The following AMMECR1 variants were observed in gnomAD, a reference collection of about 807,000 sequenced individuals.
AMMECR1 encodes nuclear protein AMMECR1.
AMMECR1 carries 3 observed loss-of-function variants against 22.5 expected under a neutral mutation model. The observed-to-expected ratio is 0.13, with a 90% CI of 0.06 to 0.35. The LOEUF is 0.35. AMMECR1 is among the 10% of genes least tolerant of loss of function. The pLI, the probability that AMMECR1 is intolerant of heterozygous loss-of-function variation, is 1.00. For synonymous variants in AMMECR1, 130 were observed against 116.7 expected (o/e 1.11, Z -0.74); for missense variants, 235 against 278.7 (o/e 0.84, Z 1.12).
chrX:110,229,880 C>T lies in AMMECR1; in HGVS notation c.585-13248G>A, dbSNP rs756745421. ...CCCGTGCCTGGCTCGGCAGCTCCCA[C>T]GCCCACGGAGCCTTGCTTACTGCTA... On this transcript the variant is annotated intron_variant, in intron 2 of 5. Transcript: ENST00000262844. Among the ~76,000 whole-genome samples the T allele has an allele frequency of 3.6e-3, 411 of 112,729 alleles. 1 individual carries two copies. The highest frequency in any genetic ancestry group is 0.012 in the African/African-American group (369 of 31,079).
chrX:110,353,435 C>T (rs2068218491), intron 2 of AMMECR1, among the ~76,000 whole-genome samples: 1 of 111,464 alleles, frequency 9.0e-6, no homozygotes, highest in Non-Finnish European at 1.9e-5. Flanking sequence ...TATTATGATG[C>T]AGGCATTTAT....
Position 110,422,447 on chromosome X carries a change from C to T in AMMECR1, c.-148+4211G>A, listed in dbSNP as rs151033294. Among the ~76,000 whole-genome samples, 791 of 112,575 alleles carry T rather than the reference C, an allele frequency of 7.0e-3. 8 individuals carry two copies. Among genetic ancestry groups the T allele is most frequent in the African/African-American group, 0.025 (762 of 30,967 alleles). On this transcript the variant is annotated intron_variant, in intron 2 of 7. Coordinates refer to the AMMECR1 transcript ENST00000372057. ...TTGCATGTCTGGGCCAGATACGAGA[C>T]CAGGAGGCAAAGCCATATTTACCTG...
intron 2 of AMMECR1, among the ~76,000 whole-genome samples, chrX:110,380,353 C>CA (rs59978261): frequency 8.2e-5 from 9 of 109,897 alleles, no homozygotes; most frequent in Non-Finnish European, 1.5e-4. Context: ...AATAGCCATA[C>CA]AAAAAAAATT....
rs756530452 is a variant in AMMECR1, at chrX:110,384,649, A to G, written c.-148+42009T>C. 4.8e-4 allele frequency among the ~76,000 whole-genome samples: 53 copies of G among 111,357 alleles called. No individual in the cohort carries two copies. The Admixed American group carries it at 4.8e-3, about 10-fold the overall frequency. ...AAGAATCCAGAGGAAAATGTGAGTC[A>G]TCTCCATTCTGTATCATGGCTCACT... On this transcript the variant is annotated intron_variant, in intron 2 of 7. Coordinates refer to the AMMECR1 transcript ENST00000372057.
chrX:110,410,060 A>G (rs1219811958), intron 2 of AMMECR1, among the ~76,000 whole-genome samples: 2 of 111,902 alleles, frequency 1.8e-5, no homozygotes, highest in Non-Finnish European at 3.8e-5. Flanking sequence ...GGTGATTTTG[A>G]TGAGGAACCC....
intron 2 of AMMECR1, among the ~76,000 whole-genome samples, chrX:110,327,623 C>T (rs1012422707): frequency 9.0e-6 from 1 of 111,316 alleles, no homozygotes; most frequent in Admixed American, 9.5e-5. Flanking sequence ...TGTTGAAATA[C>T]TTGACTCTGA....
chrX:110,438,050 G>T (rs906415332), intron 1 of AMMECR1, among the ~76,000 whole-genome samples: 5 of 111,662 alleles, frequency 4.5e-5, no homozygotes, highest in African/African-American at 1.6e-4. Context: ...AGCAAGAATA[G>T]AATCTTCCCT....
intron 2 of AMMECR1, among the ~76,000 whole-genome samples, chrX:110,373,822 T>C (rs1237691832): frequency 9.0e-6 from 1 of 110,522 alleles, no homozygotes; most frequent in South Asian, 3.8e-4. Context: ...AAATGAAGAA[T>C]ATAGAAAATA....
intron 1 of AMMECR1, among the ~76,000 whole-genome samples, chrX:110,267,918 A>G (rs1289341058): frequency 8.9e-6 from 1 of 112,252 alleles, no homozygotes; most frequent in Non-Finnish European, 1.9e-5. Flanking sequence ...ATAGTTTCTT[A>G]TAATGCCATG....
At chrX:110,429,026 G>C (rs1422778925) in intron 1 of AMMECR1, among the ~76,000 whole-genome samples, 1 of 111,637 alleles carries the variant, frequency 9.0e-6, no homozygotes, top group African/African-American at 3.3e-5. Flanking sequence ...TTGTCAGGCT[G>C]TTCCATCTCT....
chrX:110,313,519 A>G, intron 1 of AMMECR1, among the ~76,000 whole-genome samples: 1 of 112,285 alleles, frequency 8.9e-6, no homozygotes, highest in South Asian at 3.7e-4. Context: ...CAGCAACCAT[A>G]GGCATAAGTA....
upstream of AMMECR1, among the ~76,000 whole-genome samples, chrX:110,320,219 T>C (rs2148229242): frequency 8.9e-6 from 1 of 112,177 alleles, no homozygotes; most frequent in African/African-American, 3.2e-5. Context: ...AGAAAGCAGA[T>C]TGGTTTTTTT....
chrX:110,244,807 A>T (rs2067650510), intron 2 of AMMECR1, among the ~76,000 whole-genome samples: 1 of 112,358 alleles, frequency 8.9e-6, no homozygotes, highest in Admixed American at 9.5e-5. Flanking sequence ...TAAGTTATGT[A>T]TTTAACTACA....
intron 2 of AMMECR1, among the ~76,000 whole-genome samples, chrX:110,228,565 T>A (rs746731104): frequency 9.0e-6 from 1 of 111,472 alleles, no homozygotes; most frequent in East Asian, 2.8e-4. Flanking sequence ...AAATGATGCC[T>A]AGGGCACCAG....
chrX:110,232,649 G>C (rs925451093), intron 2 of AMMECR1, among the ~76,000 whole-genome samples: 3 of 110,122 alleles, frequency 2.7e-5, no homozygotes, highest in African/African-American at 9.9e-5. Flanking sequence ...CCAGCACTTT[G>C]GGAGGCCAAG....
intron 3 of AMMECR1, among the ~76,000 whole-genome samples, chrX:110,214,645 C>A (rs762565276): frequency 1.8e-5 from 2 of 111,898 alleles, no homozygotes; most frequent in South Asian, 7.5e-4. Context: ...GTATTCTCCC[C>A]TTTTTCCTTC....
intron 2 of AMMECR1, among the ~76,000 whole-genome samples, chrX:110,356,327 G>GT (rs1185402450): frequency 1.8e-5 from 2 of 108,321 alleles, no homozygotes; most frequent in Non-Finnish European, 3.8e-5. Context: ...TGATTTTTGT[G>GT]TTTTTTTAGT....
chrX:110,264,665 T>C, intron 1 of AMMECR1, 66 bp from the exon 2 acceptor site: 2 of 904,657 alleles, frequency 2.2e-6, no homozygotes, highest in Non-Finnish European at 3.2e-6. Flanking sequence ...TATTGAGTAT[T>C]GACTGTCTGC....
chrX:110,304,056 C>T (rs942971783), intron 1 of AMMECR1, among the ~76,000 whole-genome samples: 1 of 111,923 alleles, frequency 8.9e-6, no homozygotes, highest in Non-Finnish European at 1.9e-5. Flanking sequence ...CATTCCTCAA[C>T]ATAAACTAAA....
Sources: gnomAD v4.1 joint callset for allele counts (sites outside exome capture counted in the v4.1 genomes callset) on GRCh38, gnomAD v4.1.1 for gene constraint, MANE v1.5 for transcripts, NCBI Gene and HGNC (gene_info 2026-07-23, HGNC 2026-07-21) for gene names.